Variants in TMEFF1 observed in about 807,000 individuals in gnomAD.
TMEFF1 encodes transmembrane protein with EGF like and two follistatin like domains 1.
Under a neutral mutation model 47.5 loss-of-function variants are expected in TMEFF1, and 20 were observed. The ratio of observed to expected loss-of-function variants is 0.42; its 90% CI spans 0.30 to 0.61. TMEFF1 has a LOEUF of 0.61. Among genes scored for constraint, TMEFF1 ranks in the 20% least tolerant of loss-of-function variants. The pLI is 0.19. For missense variants in TMEFF1, 411 were observed against 471.1 expected (o/e 0.87, Z 1.18); for synonymous variants, 162 against 166.3 (o/e 0.97, Z 0.20).
At chr9:100,552,022 A>G (rs1344990150) in intron 7 of TMEFF1, among the ~76,000 whole-genome samples, 1 of 152,166 alleles carries the variant, frequency 6.6e-6, no homozygotes, top group Admixed American at 6.5e-5. Flanking sequence ...TATGCACACA[A>G]TGTTATGACA....
At chr9:100,576,011 C>G (rs760032769) in intron 9 of TMEFF1, among the ~76,000 whole-genome samples, 41 of 152,138 alleles carry the variant, frequency 2.7e-4, no homozygotes, top group Non-Finnish European at 5.0e-4. Context: ...TGTCTAAAAT[C>G]AGTAGACATT....
chr9:100,524,434 G>A (rs755921617), intron 5 of TMEFF1, among the ~76,000 whole-genome samples: 4 of 152,170 alleles, frequency 2.6e-5, no homozygotes, highest in Non-Finnish European at 5.9e-5. Flanking sequence ...TCTGTGGCAG[G>A]GTCTGGTTTT....
intron 4 of TMEFF1, among the ~76,000 whole-genome samples, chr9:100,515,237 C>T (rs1252013005): frequency 1.3e-5 from 2 of 151,994 alleles, no homozygotes; most frequent in Non-Finnish European, 2.9e-5. Context: ...GTTAGAAGGG[C>T]TAAGTGGTTT....
At chr9:100,525,086 T>C (rs1465440943) in intron 5 of TMEFF1, among the ~76,000 whole-genome samples, 4 of 152,154 alleles carry the variant, frequency 2.6e-5, no homozygotes, top group Non-Finnish European at 5.9e-5. Context: ...AGTTAAACTA[T>C]TTCATTGTGG....
intron 1 of TMEFF1, among the ~76,000 whole-genome samples, chr9:100,474,886 A>G (rs531863030): frequency 4.7e-4 from 72 of 152,210 alleles, no homozygotes; most frequent in African/African-American, 1.5e-3. Context: ...GTTCCTCTTC[A>G]TTTCTAAAGG....
At chr9:100,521,236 A>T (rs1838154982) in intron 5 of TMEFF1, among the ~76,000 whole-genome samples, 1 of 152,124 alleles carries the variant, frequency 6.6e-6, no homozygotes, top group African/African-American at 2.4e-5. Context: ...TTATAATTTA[A>T]ATTATTTTTG....
At chr9:100,519,793 G>A (rs763880838) in intron 5 of TMEFF1, among the ~76,000 whole-genome samples, 3 of 151,286 alleles carry the variant, frequency 2.0e-5, no homozygotes, top group Non-Finnish European at 4.4e-5. Flanking sequence ...TTCTTAGCTG[G>A]CATCTAGAAA....
chr9:100,546,417 C>T (rs960646498), intron 5 of TMEFF1, among the ~76,000 whole-genome samples: 1 of 150,820 alleles, frequency 6.6e-6, no homozygotes, highest in Non-Finnish European at 1.5e-5. Flanking sequence ...AAGACCTTCC[C>T]CCATAATTCA....
intron 5 of TMEFF1, among the ~76,000 whole-genome samples, chr9:100,536,006 A>G (rs548570487): frequency 4.5e-4 from 69 of 152,320 alleles, no homozygotes; most frequent in African/African-American, 1.6e-3. Context: ...GATATTTAAT[A>G]TAGTAATTTG....
In TMEFF1 at chr9:100,547,806, G is replaced by A. The variant is rs1290896511; in HGVS notation, c.623G>A (p.Ser208Asn). 2 of 1,609,636 alleles carry A rather than the reference G, an allele frequency of 1.2e-6. No individual in the cohort carries two copies. Among genetic ancestry groups the A allele is most frequent in the Non-Finnish European group, 1.7e-6 (2 of 1,178,432 alleles). ...AATCCTGTGTGTGCTTCTGATGGGA[G>A]TTCCTATAACAATCCCTGTTTTGTT... Reference protein sequence around the residue: ...SFNPVCASDGSSYNNPCFVRE... With the variant: ...SFNPVCASDGNSYNNPCFVRE... The change falls in exon 6 of 10, where the codon AGT becomes AAT. Residue 208 changes from serine (S) to asparagine (N), a missense_variant. By Grantham distance (46) the Ser-to-Asn change is conservative (BLOSUM62 1). Transcript: ENST00000374879.
In TMEFF1 at chr9:100,550,094, G is replaced by T. The variant is rs764853827; in HGVS notation, c.710-1G>T. 1.9e-6 allele frequency: 3 copies of T among 1,610,086 alleles called. No homozygotes were observed. The highest frequency in any genetic ancestry group is 2.5e-6 in the Non-Finnish European group (3 of 1,178,474). ...AATTTGAAAACCGTCTTCTCTTACA[G>T]ATACAGATGACACTAGTTTGTTGGG... On this transcript the variant is annotated splice_acceptor_variant, in intron 6 of 9. Transcript: ENST00000374879. LOFTEE classifies it high-confidence loss of function.
At chr9:100,525,231 C>G (rs544832346) in intron 5 of TMEFF1, among the ~76,000 whole-genome samples, 1 of 152,120 alleles carries the variant, frequency 6.6e-6, no homozygotes, top group African/African-American at 2.4e-5. Context: ...TAAATTCTGA[C>G]AGTAACTACT....
At chr9:100,491,508 A>T (rs894520446) in intron 1 of TMEFF1, among the ~76,000 whole-genome samples, 5 of 152,254 alleles carry the variant, frequency 3.3e-5, no homozygotes, top group Admixed American at 2.0e-4. Flanking sequence ...ATTAATTTAT[A>T]GGACTTTCCC....
chr9:100,488,172 A>C (rs1231110182), intron 1 of TMEFF1, among the ~76,000 whole-genome samples: 2 of 152,162 alleles, frequency 1.3e-5, no homozygotes, highest in Admixed American at 6.5e-5. Context: ...ATATATGTAA[A>C]CCGGCATATG....
chr9:100,503,502 C>A (rs1795252820), intron 2 of TMEFF1, among the ~76,000 whole-genome samples: 1 of 149,672 alleles, frequency 6.7e-6, no homozygotes, highest in African/African-American at 2.5e-5. Context: ...CTTATTAGAC[C>A]CTTTATTAGT....
intron 1 of TMEFF1, among the ~76,000 whole-genome samples, chr9:100,477,793 A>G (rs775132317): frequency 2.5e-4 from 38 of 151,708 alleles, no homozygotes; most frequent in Non-Finnish European, 4.7e-4. Context: ...CGCCCGGCTA[A>G]TTGTTTGTAT....
intron 2 of TMEFF1, 106 bp from the exon 3 acceptor site, chr9:100,508,899 C>T (rs1587827772): frequency 8.5e-7 from 1 of 1,170,816 alleles, no homozygotes; most frequent in Non-Finnish European, 1.1e-6. Context: ...CCAGACTATT[C>T]AGTAGCGAAG....
intron 1 of TMEFF1, among the ~76,000 whole-genome samples, chr9:100,474,301 G>T (rs111448732): frequency 1.2e-4 from 19 of 152,118 alleles, no homozygotes; most frequent in African/African-American, 4.3e-4. Flanking sequence ...TTGAGGACGC[G>T]GTTTGGCGAT....
intron 6 of TMEFF1, 85 bp from the exon 7 acceptor site, chr9:100,550,010 T>G: frequency 3.4e-6 from 5 of 1,458,994 alleles, no homozygotes; most frequent in Non-Finnish European, 4.6e-6. Context: ...AAGAAGAACT[T>G]GGAATAATTT....
Sources: allele counts gnomAD v4.1 joint callset (sites outside exome capture counted in the v4.1 genomes callset), GRCh38; gene constraint gnomAD v4.1.1; transcripts MANE v1.5; gene names NCBI Gene and HGNC (gene_info 2026-07-23, HGNC 2026-07-21).